The following OSBPL10 variants were observed in gnomAD, a reference collection of about 807,000 sequenced individuals.
OSBPL10 encodes the protein oxysterol-binding protein-related protein 10.
A neutral mutation model predicts 81.7 loss-of-function variants in OSBPL10; 49 were observed. The observed-to-expected ratio is 0.60, with a 90% CI of 0.48 to 0.76. The LOEUF (loss-of-function observed/expected upper bound fraction) is 0.76, where lower values mean the gene tolerates loss of function less well. Among genes scored for constraint, OSBPL10 ranks in the 30% least tolerant of loss-of-function variants. OSBPL10 has a pLI of 0.00. For missense variants in OSBPL10, 923 were observed against 987.8 expected (o/e 0.93, Z 0.88); for synonymous variants, 419 against 383.6 (o/e 1.09, Z -1.08).
chr3:31,915,840 T>C (rs1188740093), intron 1 of OSBPL10, among the ~76,000 whole-genome samples: 3 of 152,094 alleles, frequency 2.0e-5, no homozygotes, highest in Non-Finnish European at 2.9e-5. Flanking sequence ...ACGCCTGTAA[T>C]CCCAGCACTT....
At chr3:31,799,899 G>A (rs1699336093) in intron 4 of OSBPL10, among the ~76,000 whole-genome samples, 1 of 152,150 alleles carries the variant, frequency 6.6e-6, no homozygotes. Flanking sequence ...AGTAGAGATG[G>A]TATTTCACCA....
At chr3:32,073,949 C>T (rs1699853660) in intron 1 of OSBPL10, among the ~76,000 whole-genome samples, 1 of 152,110 alleles carries the variant, frequency 6.6e-6, no homozygotes, top group South Asian at 2.1e-4. Context: ...ATTCTCATTC[C>T]CATTCTTATG....
chr3:31,746,475 T>C (rs1697523402), intron 5 of OSBPL10, among the ~76,000 whole-genome samples: 1 of 151,772 alleles, frequency 6.6e-6, no homozygotes, highest in Admixed American at 6.6e-5. Flanking sequence ...GGTTGGGAGT[T>C]CAAGACCAGC....
rs570184256 is a variant in OSBPL10 at position 31,906,084 on chromosome 3, T to A, written c.282-26254A>T. Among the ~76,000 whole-genome samples the A allele has an allele frequency of 2.6e-5, 4 of 152,304 alleles. No individual in the cohort carries two copies. In the South Asian group the frequency reaches 8.3e-4, roughly 32 times the overall value. ...CAACACCATAGTCAGTGTCCATCAC[T>A]TCAGTTGGCTCTGCTGCCATTTCAA... On this transcript the variant is annotated intron_variant, in intron 1 of 11. Transcript: ENST00000396556.
intron 1 of OSBPL10, among the ~76,000 whole-genome samples, chr3:31,941,253 G>A (rs1305896592): frequency 6.6e-6 from 1 of 151,988 alleles, no homozygotes; most frequent in Non-Finnish European, 1.5e-5. Context: ...AAGATCCGGT[G>A]CAAACAAAAA....
At chr3:31,797,829 T>C in intron 4 of OSBPL10, 1 of 456,284 alleles carries the variant, frequency 2.2e-6, no homozygotes, top group South Asian at 1.6e-5. Flanking sequence ...TTGTTGAGCA[T>C]ACAAGCCTTC....
At chr3:31,816,730 G>A (rs533017893) in intron 4 of OSBPL10, among the ~76,000 whole-genome samples, 2 of 152,244 alleles carry the variant, frequency 1.3e-5, no homozygotes, top group South Asian at 2.1e-4. Context: ...TGAACAAGAC[G>A]AAGATGAGCT....
intron 4 of OSBPL10, among the ~76,000 whole-genome samples, chr3:31,798,918 C>T (rs1458188129): frequency 6.6e-6 from 1 of 152,136 alleles, no homozygotes; most frequent in Non-Finnish European, 1.5e-5. Context: ...AGATCCCTCC[C>T]AGGCGCAGTT....
In OSBPL10 at chr3:31,837,736, G is replaced by A. The variant is rs147016175; in HGVS notation, c.538-7505C>T. On this transcript the variant is annotated intron_variant, in intron 3 of 11. Coordinates refer to ENST00000396556, the MANE Select transcript of OSBPL10 (RefSeq NM_017784.5). The stretch of plus-strand genomic sequence containing the variant: ...ACCAATAGCATTCCTTCATATCAAC[G>A]ATAACCAATCAGAAAATAGAAAATA... Among the ~76,000 whole-genome samples the A allele has an allele frequency of 1.5e-4, 22 of 149,640 alleles. No individual in the cohort carries two copies. The South Asian group carries it at 2.8e-3, about 19-fold the overall frequency.
intron 11 of OSBPL10, chr3:31,663,519 TATTATTTC>T (rs1700116167): frequency 1.0e-6 from 1 of 998,988 alleles, no homozygotes; most frequent in South Asian, 4.4e-5. Context: ...CTTGCCCAGA[TATTATTTC>T]TAGCTTCTAG....
chr3:31,771,950 A>C (rs768708351), intron 4 of OSBPL10, among the ~76,000 whole-genome samples: 3 of 152,208 alleles, frequency 2.0e-5, no homozygotes, highest in African/African-American at 4.8e-5. Context: ...TTTTAGCCAG[A>C]CATCATGAAA....
chr3:31,922,547 G>T (rs925482637), intron 1 of OSBPL10, among the ~76,000 whole-genome samples: 3 of 152,172 alleles, frequency 2.0e-5, no homozygotes, highest in African/African-American at 7.2e-5. Flanking sequence ...GAACCCGGGA[G>T]GCGGAGGTTG....
At chr3:31,905,581 C>T (rs1315784727) in intron 1 of OSBPL10, among the ~76,000 whole-genome samples, 2 of 151,846 alleles carry the variant, frequency 1.3e-5, no homozygotes, top group African/African-American at 4.8e-5. Flanking sequence ...AACTCCTGAC[C>T]TCAAGTGATC....
chr3:31,837,631 G>T (rs1295832252), intron 3 of OSBPL10, among the ~76,000 whole-genome samples: 6 of 120,716 alleles, frequency 5.0e-5, no homozygotes, highest in African/African-American at 1.4e-4. Context: ...AATCACTGTA[G>T]ATGTGACTGT....
intron 2 of OSBPL10, among the ~76,000 whole-genome samples, chr3:32,026,057 T>TAGATAGATGATAGATAGATAGATGATA (rs58717718): frequency 3.3e-4 from 37 of 111,346 alleles, no homozygotes; most frequent in African/African-American, 1.1e-3. Flanking sequence ...GATAGATAGA[T>TAGATAGATGATAGATAGATAGATGATA]GATAGATAGA....
At chr3:31,893,150 GC>G (rs1487130943) in intron 1 of OSBPL10, among the ~76,000 whole-genome samples, 1 of 152,114 alleles carries the variant, frequency 6.6e-6, no homozygotes, top group East Asian at 1.9e-4. Flanking sequence ...ACAATCTCTG[GC>G]CAATCTTTGA....
chr3:31,747,022 T>C (rs1423193195), intron 5 of OSBPL10, among the ~76,000 whole-genome samples: 2 of 151,990 alleles, frequency 1.3e-5, no homozygotes, highest in African/African-American at 2.4e-5. Flanking sequence ...TGCCTTAAAA[T>C]GTTCAAGCCA....
chr3:31,813,159 T>C (rs1477202788), intron 4 of OSBPL10, among the ~76,000 whole-genome samples: 4 of 152,204 alleles, frequency 2.6e-5, no homozygotes, highest in Non-Finnish European at 5.9e-5. Flanking sequence ...AGAATGAAAG[T>C]AGCTGGAGGA....
intron 4 of OSBPL10, among the ~76,000 whole-genome samples, chr3:31,803,155 G>A (rs1009590683): frequency 6.6e-6 from 1 of 151,904 alleles, no homozygotes; most frequent in Non-Finnish European, 1.5e-5. Context: ...TTCAAAAGAA[G>A]AAGGCAACAA....
Sources: gnomAD v4.1 joint callset for allele counts (sites outside exome capture counted in the v4.1 genomes callset) on GRCh38, gnomAD v4.1.1 for gene constraint, MANE v1.5 for transcripts, NCBI Gene and HGNC (gene_info 2026-07-23, HGNC 2026-07-21) for gene names.